The following FHIT variants were observed in gnomAD, a reference collection of about 807,000 sequenced individuals.
FHIT encodes the protein bis(5'-adenosyl)-triphosphatase.
A neutral mutation model predicts 17.9 loss-of-function variants in FHIT; 19 were observed. That is an observed-to-expected ratio of 1.06 (90% CI 0.74 to 1.56). FHIT has a LOEUF of 1.56. Ranked by LOEUF, FHIT falls within the 40% of genes most tolerant of loss-of-function variation. The pLI is 0.00. For synonymous variants in FHIT, 81 were observed against 69.7 expected (o/e 1.16, Z -0.81); for missense variants, 248 against 189.2 (o/e 1.31, Z -1.82).
intron 4 of FHIT, among the ~76,000 whole-genome samples, chr3:60,561,166 T>TC (rs1254294753): frequency 1.3e-5 from 2 of 152,062 alleles, no homozygotes; most frequent in African/African-American, 4.8e-5. Context: ...CAGCAGAATG[T>TC]CCTAAAGTAC....
intron 2 of FHIT, among the ~76,000 whole-genome samples, chr3:61,069,940 G>T (rs2106734891): frequency 6.6e-6 from 1 of 152,254 alleles, no homozygotes; most frequent in South Asian, 2.1e-4. Context: ...TTGTTTTTGA[G>T]ACAGAGTCTC....
chr3:60,112,971 G>A (rs1704745293), intron 5 of FHIT, among the ~76,000 whole-genome samples: 1 of 152,194 alleles, frequency 6.6e-6, no homozygotes, highest in South Asian at 2.1e-4. Flanking sequence ...GATTGGCTCA[G>A]ATGGACAATC....
chr3:59,784,053 C>T (rs1019966368), intron 8 of FHIT, among the ~76,000 whole-genome samples: 6 of 152,162 alleles, frequency 3.9e-5, no homozygotes, highest in African/African-American at 1.4e-4. Flanking sequence ...AGCACAGGTG[C>T]AACGCTTCAG....
chr3:60,114,344 T>C (rs1200453255), intron 5 of FHIT, among the ~76,000 whole-genome samples: 4 of 151,154 alleles, frequency 2.6e-5, no homozygotes, highest in Admixed American at 6.6e-5. Context: ...AAATAAGCAA[T>C]AGCATCATGT....
intron 5 of FHIT, among the ~76,000 whole-genome samples, chr3:60,175,477 G>T (rs1559699988): frequency 6.6e-6 from 1 of 152,092 alleles, no homozygotes; most frequent in Non-Finnish European, 1.5e-5. Context: ...GAAGACAAAA[G>T]ATATAGGGTA....
intron 8 of FHIT, among the ~76,000 whole-genome samples, chr3:59,825,867 T>C (rs1231521959): frequency 6.6e-6 from 1 of 152,204 alleles, no homozygotes; most frequent in Non-Finnish European, 1.5e-5. Context: ...GAAATGTTGA[T>C]ATTCTTATTG....
chr3:60,173,884 AAT>A lies in FHIT; in HGVS notation c.104-159734_104-159733del, dbSNP rs776742490. ...GGTGCTAAACTATCTCCATGTTTCT[AAT>A]ATATATATATATATATATATATATA... On this transcript the variant is annotated intron_variant, in intron 5 of 9. Transcript: ENST00000492590. Among the ~76,000 whole-genome samples, 143 of 30,482 alleles carry A rather than the reference AAT, an allele frequency of 4.7e-3. 6 individuals carry two copies. The highest frequency in any genetic ancestry group is 0.025 in the South Asian group (23 of 924). 20.0% of individuals were successfully genotyped at this position (30,482 alleles called of 152,430 possible). A position where few individuals can be genotyped will look rare whatever the true frequency, so the allele number is the denominator to read the frequency against.
rs1034855493 is a variant in FHIT, at chr3:60,356,767, A to C, written c.103+180093T>G. 2.1e-3 allele frequency among the ~76,000 whole-genome samples: 301 copies of C among 143,804 alleles called. 4 individuals carry two copies. Among genetic ancestry groups the C allele is most frequent in the Non-Finnish European group, 3.3e-3 (220 of 67,480 alleles). The allele number at this position is 143,804 out of a possible 152,430, so 94.3% of individuals were successfully genotyped here. A position where few individuals can be genotyped will look rare whatever the true frequency, so the allele number is the denominator to read the frequency against. On this transcript the variant is annotated intron_variant, in intron 5 of 9. Coordinates refer to ENST00000492590, the MANE Select transcript of FHIT (RefSeq NM_002012.4). ...GAAGACAGAGACAAAAAAAAAAAAAAAAAAAAAAAAAAACGGAAGAAAGAG... is the reference window on the plus strand; with the variant it reads ...GAAGACAGAGACAAAAAAAAAAAAACAAAAAAAAAAAAACGGAAGAAAGAG...
At chr3:59,900,768 C>T (rs1704292334) in intron 8 of FHIT, among the ~76,000 whole-genome samples, 1 of 152,144 alleles carries the variant, frequency 6.6e-6, no homozygotes, top group African/African-American at 2.4e-5. Flanking sequence ...CACCCACCAC[C>T]ATGCTTGGCT....
At chr3:59,882,445 A>C (rs1189816646) in intron 8 of FHIT, among the ~76,000 whole-genome samples, 1 of 150,750 alleles carries the variant, frequency 6.6e-6, no homozygotes, top group Non-Finnish European at 1.5e-5. Flanking sequence ...ACTAACAAGC[A>C]GAGCAGACTG....
chr3:59,900,057 T>C (rs1286000085), intron 8 of FHIT, among the ~76,000 whole-genome samples: 2 of 152,212 alleles, frequency 1.3e-5, no homozygotes, highest in Admixed American at 6.5e-5. Flanking sequence ...ACAACCCCTG[T>C]GCTAGGCACC....
chr3:60,195,424 A>C (rs955301890), intron 5 of FHIT, among the ~76,000 whole-genome samples: 1 of 151,574 alleles, frequency 6.6e-6, no homozygotes, highest in Non-Finnish European at 1.5e-5. Flanking sequence ...CCGAAAGGAA[A>C]GTAAGTCATG....
At position 60,271,552 on chromosome 3, in the gene FHIT, C is replaced by G. The variant is rs563038893; in HGVS notation, c.104-257400G>C. 9.9e-5 allele frequency among the ~76,000 whole-genome samples: 15 copies of G among 152,236 alleles called. No homozygotes were observed. In the East Asian group the frequency reaches 1.9e-3, roughly 20 times the overall value. ...TTAGGAACTAATTGAACTGGAGATT[C>G]AAAATAATCTAAAAATTTCAGTTCT... is the stretch of plus-strand genomic sequence containing the variant. On this transcript the variant is annotated intron_variant, in intron 5 of 9. Transcript: ENST00000492590.
chr3:60,045,021 T>C (rs1260849967), intron 5 of FHIT, among the ~76,000 whole-genome samples: 1 of 152,032 alleles, frequency 6.6e-6, no homozygotes, highest in Non-Finnish European at 1.5e-5. Flanking sequence ...TGCTTGTCCA[T>C]ATTGGCCATC....
At chr3:60,019,575 T>C (rs767898267) in intron 5 of FHIT, among the ~76,000 whole-genome samples, 6 of 151,982 alleles carry the variant, frequency 3.9e-5, no homozygotes, top group Non-Finnish European at 7.4e-5. Context: ...TGCACCACCA[T>C]GCCCAGCTAA....
rs566357276 is a variant in FHIT at position 61,173,214 on chromosome 3, C to T, written c.-164+27403G>A. ...GTTCATAATCCATCCTGTCATCTTT[C>T]GTGTGTGGAACCATGAACATTTCTC... On this transcript the variant is annotated intron_variant, in intron 2 of 9. Coordinates refer to ENST00000492590, the MANE Select transcript of FHIT (RefSeq NM_002012.4). Among the ~76,000 whole-genome samples the T allele has an allele frequency of 2.0e-4, 31 of 152,126 alleles. 1 individual carries two copies. The highest frequency in any genetic ancestry group is 7.2e-4 in the African/African-American group (30 of 41,498).
intron 5 of FHIT, among the ~76,000 whole-genome samples, chr3:60,483,364 G>T (rs1296737823): frequency 3.3e-5 from 5 of 152,112 alleles, no homozygotes; most frequent in African/African-American, 1.2e-4. Context: ...AAACCAGGAG[G>T]AGACACAGTG....
At chr3:59,801,152 C>G (rs936549396) in intron 8 of FHIT, among the ~76,000 whole-genome samples, 8 of 152,166 alleles carry the variant, frequency 5.3e-5, no homozygotes, top group African/African-American at 1.7e-4. Flanking sequence ...CACTGTATGC[C>G]AGGCCTGTGC....
chr3:60,118,779 G>GA (rs1341696327), intron 5 of FHIT, among the ~76,000 whole-genome samples: 1 of 111,754 alleles, frequency 8.9e-6, no homozygotes, highest in East Asian at 3.5e-4. Context: ...GGCGGCGGGG[G>GA]GGGGGGGGTG....
Sources: allele counts gnomAD v4.1 joint callset (sites outside exome capture counted in the v4.1 genomes callset), GRCh38; gene constraint gnomAD v4.1.1; transcripts MANE v1.5; gene names NCBI Gene and HGNC (gene_info 2026-07-23, HGNC 2026-07-21).